PMM2: variants seen among roughly 807,000 people sequenced by gnomAD.
PMM2 encodes the protein phosphomannomutase 2.
Under a neutral mutation model 33.2 loss-of-function variants are expected in PMM2, and 35 were observed. That is an observed-to-expected ratio of 1.06 (90% confidence interval 0.81 to 1.40). The LOEUF (loss-of-function observed/expected upper bound fraction) is 1.40, where lower values mean the gene tolerates loss of function less well. Among genes scored for constraint, PMM2 ranks in the 40% most tolerant of loss-of-function variants. The probability of loss-of-function intolerance (pLI) is 0.00; values close to 1 mark genes in which losing one functional copy is unlikely to be tolerated. For synonymous variants in PMM2, 153 were observed against 114.7 expected, an observed-to-expected ratio of 1.33 and a Z score of -2.13; for missense variants, 386 against 306.0, an observed-to-expected ratio of 1.26 and a Z score of -1.95.
intron 7 of PMM2, among the ~76,000 whole-genome samples, chr16:8,816,063 G>T (rs997974000): frequency 6.6e-6 from 1 of 152,112 alleles, no homozygotes; most frequent in African/African-American, 2.4e-5. Context: ...CTCAACATCA[G>T]TGTTCAGGGA....
intron 1 of PMM2, among the ~76,000 whole-genome samples, chr16:8,798,444 G>A (rs561859700): frequency 6.6e-6 from 1 of 152,254 alleles, no homozygotes; most frequent in East Asian, 1.9e-4. Flanking sequence ...AACATCTACA[G>A]CTTTAAATGG....
At chr16:8,813,857 CTTTTTTTTTTTT>C (rs148507269) in intron 7 of PMM2, among the ~76,000 whole-genome samples, 7 of 89,142 alleles carry the variant, frequency 7.9e-5, no homozygotes, top group East Asian at 3.3e-4. Flanking sequence ...TTTTCTTTCT[CTTTTTTTTTTTT>C]TTTTTTTTTT....
intron 7 of PMM2, among the ~76,000 whole-genome samples, chr16:8,834,856 A>T (rs1344405855): frequency 1.3e-5 from 2 of 152,192 alleles, no homozygotes; most frequent in African/African-American, 2.4e-5. Context: ...CAGGTGGATC[A>T]GAGAGATACA....
intron 7 of PMM2, among the ~76,000 whole-genome samples, chr16:8,817,224 C>G (rs1174253973): frequency 6.6e-6 from 1 of 152,228 alleles, no homozygotes; most frequent in African/African-American, 2.4e-5. Flanking sequence ...ATGACAGTTA[C>G]ATATGGTTTT....
intron 7 of PMM2, among the ~76,000 whole-genome samples, chr16:8,833,721 G>A (rs552229869): frequency 4.0e-5 from 6 of 151,582 alleles, no homozygotes; most frequent in Admixed American, 1.3e-4. Context: ...GCCTGGATAC[G>A]GTTTTGGATG....
At chr16:8,843,239 G>A (rs1320326272) in intron 7 of PMM2, among the ~76,000 whole-genome samples, 1 of 152,132 alleles carries the variant, frequency 6.6e-6, no homozygotes, top group Non-Finnish European at 1.5e-5. Context: ...CATGGAGTGG[G>A]TAGTCCCCGT....
chr16:8,838,099 G>A (rs927836038), intron 7 of PMM2, among the ~76,000 whole-genome samples: 3 of 152,112 alleles, frequency 2.0e-5, no homozygotes, highest in African/African-American at 7.2e-5. Context: ...ATTATCATTA[G>A]TTCTTATGGG....
At chr16:8,818,628 C>T (rs2060720708) in intron 7 of PMM2, among the ~76,000 whole-genome samples, 1 of 152,206 alleles carries the variant, frequency 6.6e-6, no homozygotes, top group African/African-American at 2.4e-5. Context: ...TTAGCAGCCT[C>T]TTCCAGCAGC....
intron 7 of PMM2, among the ~76,000 whole-genome samples, chr16:8,829,543 A>G (rs1049195867): frequency 2.6e-5 from 4 of 152,214 alleles, no homozygotes; most frequent in Admixed American, 6.5e-5. Context: ...ACTAGTCACT[A>G]TGCTCAGTGC....
chr16:8,841,041 G>A (rs909884713), intron 7 of PMM2, among the ~76,000 whole-genome samples: 6 of 152,042 alleles, frequency 3.9e-5, no homozygotes, highest in African/African-American at 7.2e-5. Flanking sequence ...GTAGCATCTC[G>A]AGAACAGGCT....
At chr16:8,823,025 G>A (rs2060746753) in intron 7 of PMM2, among the ~76,000 whole-genome samples, 1 of 152,168 alleles carries the variant, frequency 6.6e-6, no homozygotes, top group Admixed American at 6.5e-5. Flanking sequence ...TTGTTAGACA[G>A]ACAGATTGGG....
intron 1 of PMM2, among the ~76,000 whole-genome samples, chr16:8,800,006 C>T (rs1017690913): frequency 1.3e-5 from 2 of 152,110 alleles, no homozygotes; most frequent in South Asian, 2.1e-4. Flanking sequence ...CATTGAACTC[C>T]AAGTGTTTAT....
intron 3 of PMM2, among the ~76,000 whole-genome samples, chr16:8,805,468 C>T (rs976546291): frequency 6.6e-6 from 1 of 151,958 alleles, no homozygotes; most frequent in Non-Finnish European, 1.5e-5. Context: ...ACAGGTGATC[C>T]TCTGCCTCAG....
intron 7 of PMM2, among the ~76,000 whole-genome samples, chr16:8,825,610 A>G (rs1333479355): frequency 1.3e-5 from 2 of 151,948 alleles, no homozygotes; most frequent in African/African-American, 4.8e-5. Context: ...GTGAGCCACC[A>G]CTCCTAGCCA....
rs886044305 is a variant in PMM2 at position 8,811,120 on chromosome 16, C to A, written c.389C>A (p.Ser130Tyr). The part of the protein sequence containing the change: ...IEFRNGMLNV[S>Y]PIGRSCSQEE... ...TTCCGAAATGGGATGTTAAACGTGT[C>A]CCCTATTGGAAGAAGCTGCAGCCAA... Residue 130 changes from serine (S) to tyrosine (Y), a missense_variant, in exon 5 of 8, where the codon TCC becomes TAC. By Grantham distance (144) the Ser-to-Tyr change is moderately radical. Coordinates refer to ENST00000268261, the MANE Select transcript of PMM2 (RefSeq NM_000303.3). The A allele has an allele frequency of 1.3e-6, 2 of 1,577,648 alleles. No individual in the cohort carries two copies. The highest frequency in any genetic ancestry group is 1.7e-6 in the Non-Finnish European group (2 of 1,157,764).
In PMM2 at chr16:8,822,126, C is replaced by T. The variant is rs987498861; in HGVS notation, c.639+9020C>T. Among the ~76,000 whole-genome samples, 13 of 152,176 alleles carry T rather than the reference C, an allele frequency of 8.5e-5. No homozygotes were observed. The East Asian group carries it at 2.5e-3, about 29-fold the overall frequency. ...TGGGGATCAGAGTTTTTAAGGATAA[C>T]TTGCTGGGTAGGGGCTTGGGAAGTG... On this transcript the variant is annotated intron_variant, in intron 7 of 7. Transcript: ENST00000268261.
chr16:8,813,147 G>A (rs766666436), intron 7 of PMM2, 41 bp downstream of exon 7: 50 of 1,233,924 alleles, frequency 4.1e-5, no homozygotes, highest in Non-Finnish European at 5.8e-5. Flanking sequence ...TGTTGCATTT[G>A]CGCTTGATGG....
intron 7 of PMM2, among the ~76,000 whole-genome samples, chr16:8,815,601 T>C (rs1365408556): frequency 6.6e-6 from 1 of 152,168 alleles, no homozygotes; most frequent in African/African-American, 2.4e-5. Flanking sequence ...ATCTTGGCCA[T>C]TATGAATAAT....
intron 7 of PMM2, among the ~76,000 whole-genome samples, chr16:8,826,045 C>T (rs572391940): frequency 8.5e-5 from 13 of 152,286 alleles, no homozygotes; most frequent in African/African-American, 3.1e-4. Flanking sequence ...TGTGCCACCG[C>T]ATCTGGCATA....
Sources: allele counts gnomAD v4.1 joint callset (sites outside exome capture counted in the v4.1 genomes callset), GRCh38; gene constraint gnomAD v4.1.1; transcripts MANE v1.5; gene names NCBI Gene and HGNC (gene_info 2026-07-23, HGNC 2026-07-21).